ARMH3: variants seen among roughly 807,000 people sequenced by gnomAD.
ARMH3 encodes armadillo-like helical domain-containing protein 3.
ARMH3 carries 60 observed loss-of-function variants against 99.1 expected under a neutral mutation model. That is an observed-to-expected ratio of 0.61 (90% CI 0.49 to 0.75). The LOEUF is 0.75. Ranked by LOEUF, ARMH3 falls within the 30% of genes least tolerant of loss-of-function variation. The pLI is 0.00. For synonymous variants in ARMH3, 285 were observed against 292.8 expected (o/e 0.97, Z 0.27); for missense variants, 679 against 843.1 (o/e 0.81, Z 2.41).
intron 8 of ARMH3, among the ~76,000 whole-genome samples, chr10:102,020,754 A>G (rs545074580): frequency 7.9e-5 from 12 of 151,170 alleles, no homozygotes; most frequent in African/African-American, 2.7e-4. Flanking sequence ...TCAGGAGGCT[A>G]AGGCAGGACA....
rs571975135 is a variant in ARMH3, at chr10:101,938,706, C to T, written c.1781+1157G>A. On this transcript the variant is annotated intron_variant, in intron 23 of 25. Coordinates refer to ENST00000370033, the MANE Select transcript of ARMH3 (RefSeq NM_024541.3). Reference sequence around the variant, plus strand: ...GGCAGTTTGTAATTCCTGATTCTTACAGAAAATCGCATTTATCGTAAGGCC... The same window carrying T: ...GGCAGTTTGTAATTCCTGATTCTTATAGAAAATCGCATTTATCGTAAGGCC... 2.6e-5 allele frequency among the ~76,000 whole-genome samples: 4 copies of T among 152,320 alleles called. No individual in the cohort carries two copies. In the East Asian group the frequency reaches 5.8e-4, roughly 22 times the overall value.
At chr10:102,010,426 A>T (rs1482323150) in intron 11 of ARMH3, among the ~76,000 whole-genome samples, 1 of 152,182 alleles carries the variant, frequency 6.6e-6, no homozygotes, top group Admixed American at 6.5e-5. Flanking sequence ...CTTAGGAAAA[A>T]CTTCACAGGA....
intron 13 of ARMH3, 37 bp downstream of exon 13, chr10:102,009,337 G>A: frequency 1.3e-6 from 2 of 1,558,892 alleles, no homozygotes; most frequent in Non-Finnish European, 1.8e-6. Flanking sequence ...ATGAAATTTA[G>A]AGAGAAAAAA....
At chr10:102,002,190 G>A in intron 14 of ARMH3, 118 bp from the exon 15 acceptor site, 2 of 1,452,864 alleles carry the variant, frequency 1.4e-6, no homozygotes, top group Non-Finnish European at 1.8e-6. Flanking sequence ...TTCCACAACA[G>A]AGGGAGGACC....
At chr10:101,861,309 GA>G (rs951338889) in intron 24 of ARMH3, among the ~76,000 whole-genome samples, 4 of 151,748 alleles carry the variant, frequency 2.6e-5, no homozygotes, top group East Asian at 1.9e-4. Flanking sequence ...GTGCTGACAG[GA>G]AAAAAAATAG....
intron 2 of ARMH3, among the ~76,000 whole-genome samples, chr10:102,035,580 T>C (rs1052692258): frequency 6.6e-6 from 1 of 152,252 alleles, no homozygotes; most frequent in African/African-American, 2.4e-5. Context: ...GTTTTCGTAT[T>C]TTTTTGGTGG....
At chr10:101,973,915 T>C (rs1015500398) in intron 20 of ARMH3, among the ~76,000 whole-genome samples, 1 of 152,250 alleles carries the variant, frequency 6.6e-6, no homozygotes, top group African/African-American at 2.4e-5. Flanking sequence ...GTTTTCTCTT[T>C]AATCCTATGC....
chr10:101,869,411 A>G (rs1483955249), intron 24 of ARMH3, among the ~76,000 whole-genome samples: 3 of 152,252 alleles, frequency 2.0e-5, no homozygotes, highest in Non-Finnish European at 4.4e-5. Context: ...CACACTGAGT[A>G]TATTTTCTGA....
At chr10:101,977,697 A>G (rs1166895449) in intron 19 of ARMH3, among the ~76,000 whole-genome samples, 2 of 152,234 alleles carry the variant, frequency 1.3e-5, no homozygotes, top group African/African-American at 2.4e-5. Context: ...TAATCCACTC[A>G]TGGGTTAATG....
rs552279995 is a variant in ARMH3, at chr10:101,946,827, C to T, written c.1706-6889G>A. On this transcript the variant is annotated intron_variant, in intron 22 of 25. Transcript: ENST00000370033. Reference sequence around the variant, plus strand: ...CTCAGCAAACCCCAAATAGGATGAACTCAAAGAAAAATTGTGCATAGATAT... The same window carrying T: ...CTCAGCAAACCCCAAATAGGATGAATTCAAAGAAAAATTGTGCATAGATAT... Among the ~76,000 whole-genome samples, 3 of 151,520 alleles carry T rather than the reference C, an allele frequency of 2.0e-5. No individual in the cohort carries two copies. The East Asian group carries it at 5.8e-4, about 29-fold the overall frequency.
intron 11 of ARMH3, among the ~76,000 whole-genome samples, chr10:102,011,040 A>G (rs1590179792): frequency 6.6e-6 from 1 of 152,354 alleles, no homozygotes; most frequent in African/African-American, 2.4e-5. Context: ...AATGCCCGAA[A>G]GACAGACTTT....
chr10:102,005,380 C>CAAAAAA (rs11344018), intron 14 of ARMH3, among the ~76,000 whole-genome samples: 1 of 64,902 alleles, frequency 1.5e-5, no homozygotes. Context: ...GACTCTGTCT[C>CAAAAAA]AAAAAAAAAA....
chr10:102,030,715 T>TAAG (rs2067109905), intron 4 of ARMH3, among the ~76,000 whole-genome samples: 1 of 135,238 alleles, frequency 7.4e-6, no homozygotes, highest in Non-Finnish European at 1.7e-5. Flanking sequence ...GTCTCAAAAA[T>TAAG]AATAATAATA....
At chr10:101,913,716 G>A (rs1483808746) in intron 23 of ARMH3, among the ~76,000 whole-genome samples, 1 of 152,174 alleles carries the variant, frequency 6.6e-6, no homozygotes, top group East Asian at 1.9e-4. Flanking sequence ...GTGAGCAAAT[G>A]TCCTCAGCAG....
chr10:101,970,496 T>G (rs897024584), intron 20 of ARMH3, among the ~76,000 whole-genome samples: 5 of 152,210 alleles, frequency 3.3e-5, no homozygotes, highest in African/African-American at 1.2e-4. Flanking sequence ...TCCATTTATT[T>G]GTTCATCCAA....
intron 24 of ARMH3, among the ~76,000 whole-genome samples, chr10:101,856,058 T>A (rs114102246): frequency 2.0e-5 from 3 of 152,194 alleles, no homozygotes; most frequent in African/African-American, 7.2e-5. Context: ...GACCAAAGAT[T>A]CAAGGAATTC....
intron 2 of ARMH3, among the ~76,000 whole-genome samples, chr10:102,037,157 T>C (rs181887271): frequency 7.3e-5 from 11 of 151,410 alleles, no homozygotes; most frequent in Admixed American, 2.6e-4. Flanking sequence ...AATAAAATAT[T>C]AATAATCTCT....
chr10:102,031,764 GAGTCT>G lies in ARMH3; in HGVS notation c.306+1257_306+1261del, dbSNP rs1480268765. ...TTCATATTCTTTTTTTTTTGAGACG[GAGTCT>G]CGCTCTGTCGCCCAGGCTGGAGTGC... On this transcript the variant is annotated intron_variant, in intron 4 of 25. Coordinates refer to ENST00000370033, the MANE Select transcript of ARMH3 (RefSeq NM_024541.3). Among the ~76,000 whole-genome samples, 175 of 152,116 alleles carry G rather than the reference GAGTCT, an allele frequency of 1.2e-3. 1 individual carries two copies. Among genetic ancestry groups the G allele is most frequent in the African/African-American group, 3.9e-3 (162 of 41,526 alleles).
rs182155818 is a variant in ARMH3 at position 102,019,667 on chromosome 10, C to G, written c.669+3810G>C. Among the ~76,000 whole-genome samples, 456 of 152,256 alleles carry G rather than the reference C, an allele frequency of 3.0e-3. 3 individuals carry two copies. Among genetic ancestry groups the G allele is most frequent in the Non-Finnish European group, 4.5e-3 (305 of 68,026 alleles). ...GCTGGGCCGGGCGCGGTGGCTCACG[C>G]CTGTAATCCCAGCACTTTGGGAGGC... On this transcript the variant is annotated intron_variant, in intron 8 of 25. Coordinates refer to ENST00000370033, the MANE Select transcript of ARMH3 (RefSeq NM_024541.3).
Sources: gnomAD v4.1 joint callset for allele counts (sites outside exome capture counted in the v4.1 genomes callset) on GRCh38, gnomAD v4.1.1 for gene constraint, MANE v1.5 for transcripts, NCBI Gene and HGNC (gene_info 2026-07-23, HGNC 2026-07-21) for gene names.